Variants in PRKCB observed in about 807,000 individuals in gnomAD.
PRKCB encodes the protein protein kinase C beta type.
A neutral mutation model predicts 81.5 loss-of-function variants in PRKCB; 13 were observed. The observed-to-expected ratio is 0.16, with a 90% CI of 0.10 to 0.25. The LOEUF (loss-of-function observed/expected upper bound fraction) is 0.25. Among genes scored for constraint, PRKCB ranks in the 10% least tolerant of loss-of-function variants. The pLI, the probability that PRKCB is intolerant of heterozygous loss-of-function variation, is 1.00. For synonymous variants in PRKCB, 335 were observed against 321.4 expected, an observed-to-expected ratio of 1.04 and a Z score of -0.45; for missense variants, 509 against 875.7, an observed-to-expected ratio of 0.58 and a Z score of 5.29.
rs555417119 is a variant in PRKCB, at chr16:24,092,722, C to A, written c.530-69C>A. The A allele has an allele frequency of 3.5e-6, 5 of 1,444,224 alleles. No individual in the cohort carries two copies. The South Asian group carries it at 5.2e-5, about 15-fold the overall frequency. 89.5% of individuals were successfully genotyped at this position (1,444,224 alleles called of 1,614,324 possible). ...GCCAAAGAACCTTCCACAAGTTCTG[C>A]AGCTGTCACTGCTTGGTGCTTAAAC... On this transcript the variant is annotated intron_variant, in intron 5 of 16. Transcript: ENST00000643927.
chr16:24,055,823 T>C (rs1965896942), intron 5 of PRKCB, among the ~76,000 whole-genome samples: 1 of 152,218 alleles, frequency 6.6e-6, no homozygotes, highest in Non-Finnish European at 1.5e-5. Flanking sequence ...GCTGTTTGCT[T>C]GACAGAATCC....
chr16:24,042,315 G>C (rs1365802064), intron 5 of PRKCB, among the ~76,000 whole-genome samples: 1 of 152,190 alleles, frequency 6.6e-6, no homozygotes, highest in East Asian at 1.9e-4. Flanking sequence ...GCTCATAATG[G>C]AAGGTGCAGC....
chr16:23,866,535 G>A, intron 2 of PRKCB, among the ~76,000 whole-genome samples: 1 of 152,134 alleles, frequency 6.6e-6, no homozygotes. Flanking sequence ...GAACTCTGTA[G>A]CATTCCAAAG....
In PRKCB at chr16:24,214,812, G is replaced by T. The variant is rs1167984402; in HGVS notation, c.2018G>T (p.Ser673Ile). 1.2e-6 allele frequency: 2 copies of T among 1,613,980 alleles called. No homozygotes were observed. The highest frequency in any genetic ancestry group is 1.1e-5 in the South Asian group (1 of 91,056). ...GAATTTTTAAAACCCGAAGTCAAGA[G>T]CTAAGTAGATGTGTAGATCTCCGTC... The part of the protein sequence containing the change: ...NSEFLKPEVK[S>I] The change falls in exon 17 of 17, where the codon AGC becomes ATC. Residue 673 changes from serine (S) to isoleucine (I), a missense_variant. Ser to Ile is a moderately radical substitution (Grantham distance 142, BLOSUM62 -2). Around this residue, in one of 6 missense-constraint regions of PRKCB, gnomAD observed 104 missense variants for 160.5 expected, o/e 0.65. Coordinates refer to ENST00000643927, the MANE Select transcript of PRKCB (RefSeq NM_002738.7).
chr16:24,014,787 T>C (rs1965254722), intron 3 of PRKCB, among the ~76,000 whole-genome samples: 1 of 152,146 alleles, frequency 6.6e-6, no homozygotes, highest in African/African-American at 2.4e-5. Flanking sequence ...AGTGTGATTA[T>C]TATTTCCTTT....
At chr16:24,144,358 ATGATC>A (rs1178351728) in intron 9 of PRKCB, among the ~76,000 whole-genome samples, 2 of 152,108 alleles carry the variant, frequency 1.3e-5, no homozygotes, top group African/African-American at 4.8e-5. Flanking sequence ...CAGTGGCATG[ATGATC>A]TCTCGGCTCA....
chr16:24,058,850 G>A (rs530778642), intron 5 of PRKCB, among the ~76,000 whole-genome samples: 7 of 152,260 alleles, frequency 4.6e-5, no homozygotes, highest in African/African-American at 1.4e-4. Context: ...GATTAAAGAT[G>A]TAAGGGACTA....
intron 9 of PRKCB, among the ~76,000 whole-genome samples, chr16:24,153,475 A>G (rs1375815581): frequency 6.6e-6 from 1 of 152,144 alleles, no homozygotes; most frequent in South Asian, 2.1e-4. Flanking sequence ...GAATACTTCA[A>G]TCTGATTCTT....
intron 2 of PRKCB, among the ~76,000 whole-genome samples, chr16:23,889,032 A>G (rs550804083): frequency 2.6e-5 from 4 of 152,248 alleles, no homozygotes; most frequent in East Asian, 3.9e-4. Flanking sequence ...AATAAATTCG[A>G]CATGACTGAT....
intron 5 of PRKCB, among the ~76,000 whole-genome samples, chr16:24,061,600 C>G (rs1413330605): frequency 6.6e-6 from 1 of 152,154 alleles, no homozygotes; most frequent in Non-Finnish European, 1.5e-5. Context: ...AACGTTCACA[C>G]AAGAACATTT....
chr16:24,086,704 G>A (rs936044104), intron 5 of PRKCB, among the ~76,000 whole-genome samples: 9 of 152,184 alleles, frequency 5.9e-5, no homozygotes, highest in African/African-American at 2.2e-4. Context: ...AATTTAAAAT[G>A]TGATGGATAA....
chr16:24,073,295 A>T (rs1488502533), intron 5 of PRKCB, among the ~76,000 whole-genome samples: 1 of 152,166 alleles, frequency 6.6e-6, no homozygotes, highest in Non-Finnish European at 1.5e-5. Flanking sequence ...CCCATTGCCC[A>T]CCTGTTTGAA....
At chr16:24,113,101 T>C (rs1324367006) in intron 8 of PRKCB, 32 bp downstream of exon 8, 2 of 1,545,418 alleles carry the variant, frequency 1.3e-6, no homozygotes, top group South Asian at 1.2e-5. Flanking sequence ...TCTTCTTTCT[T>C]TTTTCTCTTT....
At chr16:24,020,412 T>A (rs1037726071) in intron 3 of PRKCB, among the ~76,000 whole-genome samples, 1 of 152,220 alleles carries the variant, frequency 6.6e-6, no homozygotes, top group Admixed American at 6.5e-5. Context: ...CTTTTGCACC[T>A]ACCTAATACT....
chr16:24,077,610 G>A (rs1321546119), intron 5 of PRKCB, among the ~76,000 whole-genome samples: 3 of 152,104 alleles, frequency 2.0e-5, no homozygotes, highest in African/African-American at 7.2e-5. Flanking sequence ...TCATATATCC[G>A]TTTAGGATAA....
intron 5 of PRKCB, among the ~76,000 whole-genome samples, chr16:24,061,542 C>T (rs953388820): frequency 6.6e-6 from 1 of 152,172 alleles, no homozygotes; most frequent in African/African-American, 2.4e-5. Flanking sequence ...GTGTCTTCCA[C>T]GAGCTATTTC....
At chr16:23,970,253 G>T (rs1032155403) in intron 2 of PRKCB, among the ~76,000 whole-genome samples, 8 of 151,538 alleles carry the variant, frequency 5.3e-5, no homozygotes, top group African/African-American at 1.7e-4. Flanking sequence ...TCTCCAAGAA[G>T]GCACCAAAGG....
At chr16:24,209,235 T>A (rs1026774210) in intron 16 of PRKCB, among the ~76,000 whole-genome samples, 1 of 152,200 alleles carries the variant, frequency 6.6e-6, no homozygotes, top group Non-Finnish European at 1.5e-5. Flanking sequence ...CGCACGGGTC[T>A]GCCTTATAGT....
At chr16:23,927,320 C>T (rs1963911076) in intron 2 of PRKCB, among the ~76,000 whole-genome samples, 1 of 152,004 alleles carries the variant, frequency 6.6e-6, no homozygotes, top group Non-Finnish European at 1.5e-5. Flanking sequence ...GAACCAAAAT[C>T]ACTTTGGCAT....
Sources: allele counts gnomAD v4.1 joint callset (sites outside exome capture counted in the v4.1 genomes callset), GRCh38; gene constraint gnomAD v4.1.1; regional missense constraint gnomAD v4.1.1; transcripts MANE v1.5; gene names NCBI Gene and HGNC (gene_info 2026-07-23, HGNC 2026-07-21).